The following KCNT2 variants were observed in gnomAD, a reference collection of about 807,000 sequenced individuals.
KCNT2 encodes the protein potassium sodium-activated channel subfamily T member 2.
KCNT2 carries 67 observed loss-of-function variants against 153.8 expected under a neutral mutation model. The observed-to-expected ratio is 0.44, with a 90% CI of 0.36 to 0.53. The LOEUF (loss-of-function observed/expected upper bound fraction) is 0.53. Ranked by LOEUF, KCNT2 falls within the 20% of genes least tolerant of loss-of-function variation. The probability of loss-of-function intolerance (pLI) is 0.00; values close to 1 mark genes in which losing one functional copy is unlikely to be tolerated. For missense variants in KCNT2, 975 were observed against 1,354.8 expected (o/e 0.72, Z 4.40); for synonymous variants, 500 against 458.8 (o/e 1.09, Z -1.15).
chr1:196,474,119 A>C (rs1364354796), intron 5 of KCNT2, among the ~76,000 whole-genome samples: 1 of 152,150 alleles, frequency 6.6e-6, no homozygotes, highest in Non-Finnish European at 1.5e-5. Context: ...CATCATTTTT[A>C]ACCAATAATA....
chr1:196,330,263 A>T (rs145698914), intron 18 of KCNT2, among the ~76,000 whole-genome samples: 76 of 151,880 alleles, frequency 5.0e-4, no homozygotes, highest in African/African-American at 1.7e-3. Context: ...ATTAAGCACC[A>T]ACTCAGTTAT....
At chr1:196,491,973 A>T (rs1018547868) in intron 2 of KCNT2, among the ~76,000 whole-genome samples, 1 of 152,048 alleles carries the variant, frequency 6.6e-6, no homozygotes, top group Admixed American at 6.6e-5. Flanking sequence ...ATTTTCCTCA[A>T]TGTTTATACT....
chr1:196,317,161 G>A (rs1662810038), intron 20 of KCNT2: 1 of 357,968 alleles, frequency 2.8e-6, no homozygotes, highest in South Asian at 2.1e-5. Context: ...GTTATTAGGC[G>A]ACAGGGTATT....
At position 196,423,133 on chromosome 1, in the gene KCNT2, CA is replaced by C; in HGVS notation, c.1122-21del. ...TCCATCCTAAATACAGATGGAAAAACAAAATAATCACACACTGAAATATCTA... is the reference window on the plus strand; with the variant it reads ...TCCATCCTAAATACAGATGGAAAAACAAATAATCACACACTGAAATATCTA... On this transcript the variant is annotated intron_variant, in intron 11 of 27. Coordinates refer to ENST00000294725, the MANE Select transcript of KCNT2 (RefSeq NM_198503.5). 4 of 1,513,776 alleles carry C rather than the reference CA, an allele frequency of 2.6e-6. No homozygotes were observed. The highest frequency in any genetic ancestry group is 3.6e-6 in the Non-Finnish European group (4 of 1,100,532). The allele number at this position is 1,513,776 out of a possible 1,614,324, so 93.8% of individuals were successfully genotyped here. A position where few individuals can be genotyped will look rare whatever the true frequency, so the allele number is the denominator to read the frequency against.
intron 12 of KCNT2, among the ~76,000 whole-genome samples, chr1:196,415,339 T>G (rs1672666688): frequency 6.6e-6 from 1 of 151,852 alleles, no homozygotes; most frequent in Middle Eastern, 3.2e-3. Context: ...TAAGACATAA[T>G]GTAGTGTTTG....
chr1:196,573,478 G>A (rs1409450242), intron 1 of KCNT2, among the ~76,000 whole-genome samples: 1 of 151,900 alleles, frequency 6.6e-6, no homozygotes, highest in Non-Finnish European at 1.5e-5. Context: ...TTCTAATCAC[G>A]CCAGGAGAAA....
intron 1 of KCNT2, among the ~76,000 whole-genome samples, chr1:196,506,935 C>A (rs1681193119): frequency 6.6e-6 from 1 of 152,024 alleles, no homozygotes. Context: ...TAATAATATT[C>A]ACCATTTAAT....
chr1:196,352,615 G>A (rs1477879936), intron 14 of KCNT2, among the ~76,000 whole-genome samples: 1 of 151,736 alleles, frequency 6.6e-6, no homozygotes, highest in African/African-American at 2.4e-5. Context: ...TATTAGTCTT[G>A]TTAGTGGTCT....
At chr1:196,230,426 C>T (rs1653848872) in intron 27 of KCNT2, among the ~76,000 whole-genome samples, 1 of 152,022 alleles carries the variant, frequency 6.6e-6, no homozygotes, top group African/African-American at 2.4e-5. Context: ...CTTGATAAGG[C>T]ACCTGGTCAC....
At chr1:196,508,389 T>G (rs760325810) in intron 1 of KCNT2, among the ~76,000 whole-genome samples, 7 of 152,006 alleles carry the variant, frequency 4.6e-5, no homozygotes, top group Non-Finnish European at 1.0e-4. Flanking sequence ...ACATAAAGTA[T>G]GTATAAAATT....
chr1:196,591,849 T>C (rs1419896865), intron 1 of KCNT2, among the ~76,000 whole-genome samples: 1 of 152,166 alleles, frequency 6.6e-6, no homozygotes, highest in African/African-American at 2.4e-5. Context: ...AATGAGATAT[T>C]ACATGAAATA....
intron 24 of KCNT2, 45 bp from the exon 25 acceptor site, chr1:196,281,033 A>T (rs779204347): frequency 8.2e-6 from 12 of 1,460,058 alleles, no homozygotes; most frequent in South Asian, 1.2e-5. Flanking sequence ...TGTCAGAAAT[A>T]AAAACCTAGT....
intron 13 of KCNT2, among the ~76,000 whole-genome samples, chr1:196,385,631 TAATA>T (rs1400587183): frequency 2.0e-5 from 3 of 152,030 alleles, no homozygotes; most frequent in Admixed American, 6.6e-5. Context: ...CAACTCTGTG[TAATA>T]AATAAAGATT....
At chr1:196,274,037 T>C (rs1462145100) in intron 25 of KCNT2, among the ~76,000 whole-genome samples, 2 of 151,658 alleles carry the variant, frequency 1.3e-5, no homozygotes, top group Non-Finnish European at 3.0e-5. Context: ...GGTGTTAATA[T>C]TTGTACTATT....
chr1:196,395,239 G>T (rs1670832140), intron 13 of KCNT2, among the ~76,000 whole-genome samples: 1 of 151,424 alleles, frequency 6.6e-6, no homozygotes, highest in Admixed American at 6.6e-5. Context: ...AAACTATCCT[G>T]AATGAGTTTC....
intron 1 of KCNT2, among the ~76,000 whole-genome samples, chr1:196,510,213 G>A (rs1313244682): frequency 6.6e-6 from 1 of 152,110 alleles, no homozygotes; most frequent in Non-Finnish European, 1.5e-5. Flanking sequence ...AAAAGAACTT[G>A]AATAGAAGCT....
At chr1:196,320,851 C>A (rs1663237278) in intron 19 of KCNT2, among the ~76,000 whole-genome samples, 1 of 151,720 alleles carries the variant, frequency 6.6e-6, no homozygotes, top group South Asian at 2.1e-4. Flanking sequence ...TTCTTAAAAT[C>A]TTCAGTTACT....
intron 21 of KCNT2, among the ~76,000 whole-genome samples, chr1:196,308,263 A>T (rs944347671): frequency 6.6e-6 from 1 of 152,028 alleles, no homozygotes; most frequent in African/African-American, 2.4e-5. Context: ...TCTTCACATC[A>T]GGTAGGAACC....
At chr1:196,346,140 A>C (rs1666126783) in intron 14 of KCNT2, among the ~76,000 whole-genome samples, 1 of 152,214 alleles carries the variant, frequency 6.6e-6, no homozygotes, top group Middle Eastern at 3.4e-3. Context: ...ATGCATCACA[A>C]AAAGGCAAAA....
Sources: allele counts gnomAD v4.1 joint callset (sites outside exome capture counted in the v4.1 genomes callset), GRCh38; gene constraint gnomAD v4.1.1; transcripts MANE v1.5; gene names NCBI Gene and HGNC (gene_info 2026-07-23, HGNC 2026-07-21).